The following MGMT variants were observed in gnomAD, a reference collection of about 807,000 sequenced individuals.
MGMT encodes the protein methylated-DNA--protein-cysteine methyltransferase.
MGMT carries 14 observed loss-of-function variants against 15.9 expected under a neutral mutation model. That is an observed-to-expected ratio of 0.88 (90% CI 0.58 to 1.37). The LOEUF is 1.37. Among genes scored for constraint, MGMT ranks in the 40% most tolerant of loss-of-function variants. MGMT has a pLI of 0.00. For synonymous variants in MGMT, 130 were observed against 118.2 expected (o/e 1.10, Z -0.65); for missense variants, 282 against 268.1 (o/e 1.05, Z -0.36).
Position 129,759,132 on chromosome 10 carries a change from A to G in MGMT, c.275-70A>G, listed in dbSNP as rs181630725. 677 of 1,566,458 alleles carry G rather than the reference A, an allele frequency of 4.3e-4. 4 individuals carry two copies. The African/African-American group carries it at 7.5e-3, about 17-fold the overall frequency. ...TAGATGCGTTTCCTGTTTTGGGACT[A>G]GTGGCTATTTATATCAGAGCTGCTG... On this transcript the variant is annotated intron_variant, in intron 3 of 4. Transcript: ENST00000651593.
chr10:129,671,862 T>A (rs7089735), intron 2 of MGMT, among the ~76,000 whole-genome samples: 110,215 of 152,172 alleles, frequency 0.72, 40,842 homozygotes, highest in African/African-American at 0.88. Context: ...AGTTGCAACC[T>A]CAGATTGGCT....
At chr10:129,588,420 A>T (rs1244301246) in intron 2 of MGMT, among the ~76,000 whole-genome samples, 1 of 152,210 alleles carries the variant, frequency 6.6e-6, no homozygotes, top group South Asian at 2.1e-4. Context: ...TACCGTATGC[A>T]TCTTCTTGCA....
intron 2 of MGMT, among the ~76,000 whole-genome samples, chr10:129,705,387 A>C (rs928789873): frequency 6.6e-6 from 1 of 152,214 alleles, no homozygotes; most frequent in Non-Finnish European, 1.5e-5. Flanking sequence ...CTTTAAGCCA[A>C]AGTAATTTGT....
chr10:129,725,193 G>A (rs374465610), intron 3 of MGMT, among the ~76,000 whole-genome samples: 7 of 152,304 alleles, frequency 4.6e-5, no homozygotes, highest in Admixed American at 2.6e-4. Flanking sequence ...CTTTGCAGCC[G>A]TCCCTGTCCA....
intron 4 of MGMT, among the ~76,000 whole-genome samples, chr10:129,765,622 C>G (rs1030275117): frequency 2.0e-5 from 3 of 152,242 alleles, no homozygotes; most frequent in Non-Finnish European, 4.4e-5. Flanking sequence ...ACAAGAATTA[C>G]ATTCGCCATC....
intron 2 of MGMT, among the ~76,000 whole-genome samples, chr10:129,564,939 G>C (rs1336005430): frequency 6.6e-6 from 1 of 152,072 alleles, no homozygotes; most frequent in Non-Finnish European, 1.5e-5. Context: ...CATGGTGCTG[G>C]CGGATGGCGC....
chr10:129,590,605 C>T (rs965728868), intron 2 of MGMT, among the ~76,000 whole-genome samples: 3 of 152,120 alleles, frequency 2.0e-5, no homozygotes, highest in Non-Finnish European at 4.4e-5. Context: ...AGAAAAAGAA[C>T]GTAAACTTTG....
chr10:129,685,197 G>A (rs1026584751), intron 2 of MGMT, among the ~76,000 whole-genome samples: 1 of 152,238 alleles, frequency 6.6e-6, no homozygotes, highest in African/African-American at 2.4e-5. Context: ...TGTGTCAAAT[G>A]TATGAATTGT....
intron 1 of MGMT, among the ~76,000 whole-genome samples, chr10:129,534,132 A>G (rs1845961114): frequency 6.6e-6 from 1 of 152,202 alleles, no homozygotes; most frequent in African/African-American, 2.4e-5. Context: ...TGAAGCACCA[A>G]GAGTGATTTT....
At chr10:129,727,815 C>T (rs1390827854) in intron 3 of MGMT, among the ~76,000 whole-genome samples, 9 of 152,342 alleles carry the variant, frequency 5.9e-5, no homozygotes, top group African/African-American at 1.9e-4. Context: ...GCAAGGTAGC[C>T]TTCAGCTGTG....
At chr10:129,624,503 G>A (rs74160244) in intron 2 of MGMT, among the ~76,000 whole-genome samples, 2,704 of 152,296 alleles carry the variant, frequency 0.018, 91 homozygotes, top group African/African-American at 0.063. Flanking sequence ...GGATACATTA[G>A]GGGAATAGAT....
chr10:129,651,920 C>T (rs535546454), intron 2 of MGMT, among the ~76,000 whole-genome samples: 17 of 152,226 alleles, frequency 1.1e-4, no homozygotes, highest in African/African-American at 3.6e-4. Flanking sequence ...CCTAAAAATC[C>T]TTTAGGTGTT....
chr10:129,747,326 T>G (rs1848705823), intron 3 of MGMT, among the ~76,000 whole-genome samples: 1 of 152,152 alleles, frequency 6.6e-6, no homozygotes, highest in Non-Finnish European at 1.5e-5. Flanking sequence ...AACTGTGGGT[T>G]TTTTGCAGAT....
chr10:129,467,419 C>A, intron 1 of MGMT, 123 bp downstream of exon 1: 1 of 1,368,838 alleles, frequency 7.3e-7, no homozygotes, highest in South Asian at 1.7e-5. Flanking sequence ...CCCTGACCCC[C>A]ACCCATCCCG....
At chr10:129,513,817 A>G (rs993793974) in intron 1 of MGMT, among the ~76,000 whole-genome samples, 1 of 152,202 alleles carries the variant, frequency 6.6e-6, no homozygotes, top group Non-Finnish European at 1.5e-5. Context: ...GAGGCTTCCA[A>G]ACTCCACGGC....
At chr10:129,567,641 A>G (rs1846372020) in intron 2 of MGMT, among the ~76,000 whole-genome samples, 1 of 152,184 alleles carries the variant, frequency 6.6e-6, no homozygotes, top group Non-Finnish European at 1.5e-5. Flanking sequence ...TAGTAATAAA[A>G]GCACGGGTAC....
At chr10:129,602,850 C>A (rs1846840867) in intron 2 of MGMT, among the ~76,000 whole-genome samples, 1 of 151,960 alleles carries the variant, frequency 6.6e-6, no homozygotes, top group Non-Finnish European at 1.5e-5. Flanking sequence ...TCACATACTG[C>A]TTCGGGAATG....
chr10:129,497,069 G>A (rs1036100312), intron 1 of MGMT, among the ~76,000 whole-genome samples: 20 of 152,270 alleles, frequency 1.3e-4, no homozygotes, highest in African/African-American at 4.3e-4. Flanking sequence ...AATGGTTTCT[G>A]ATTTTAATAG....
At chr10:129,647,721 A>G (rs1249840642) in intron 2 of MGMT, among the ~76,000 whole-genome samples, 1 of 152,176 alleles carries the variant, frequency 6.6e-6, no homozygotes, top group Non-Finnish European at 1.5e-5. Context: ...CAGAAATACA[A>G]GTGTCTTTGG....
Sources: allele counts gnomAD v4.1 joint callset (sites outside exome capture counted in the v4.1 genomes callset), GRCh38; gene constraint gnomAD v4.1.1; transcripts MANE v1.5; gene names NCBI Gene and HGNC (gene_info 2026-07-23, HGNC 2026-07-21).